TRIOBP: variants seen among roughly 807,000 people sequenced by gnomAD.
The protein encoded by TRIOBP is TRIO and F-actin binding protein.
A neutral mutation model predicts 238.8 loss-of-function variants in TRIOBP; 169 were observed. The observed-to-expected ratio is 0.71, with a 90% CI of 0.62 to 0.80. The LOEUF is 0.80. TRIOBP is among the 30% of genes least tolerant of loss of function. TRIOBP has a pLI of 0.00. For missense variants in TRIOBP, 2,838 were observed against 3,122.6 expected, an observed-to-expected ratio of 0.91 and a Z score of 2.17; for synonymous variants, 1,150 against 1,274.4, an observed-to-expected ratio of 0.90 and a Z score of 2.08.
At chr22:37,768,273 A>G in intron 19 of TRIOBP, 97 bp downstream of exon 19, 1 of 1,009,958 alleles carries the variant, frequency 9.9e-7, no homozygotes, top group Non-Finnish European at 1.5e-6. Context: ...GTTTGCCCCT[A>G]GCTGAGATTC....
rs1171851987 is a variant in TRIOBP, at chr22:37,764,638, G to A, written c.6325-1032G>A. Among the ~76,000 whole-genome samples the A allele has an allele frequency of 5.9e-5, 9 of 152,324 alleles. No individual in the cohort carries two copies. In the East Asian group the frequency reaches 1.7e-3, roughly 29 times the overall value. ...TGAACCTACTAGGTCAACCAGTGGG[G>A]TCGCAAAATGTGATGATGCCACCGG... On this transcript the variant is annotated intron_variant, in intron 17 of 23. Coordinates refer to ENST00000644935, the MANE Select transcript of TRIOBP (RefSeq NM_001039141.3).
chr22:37,700,130 G>A (rs376931728), intron 2 of TRIOBP, among the ~76,000 whole-genome samples: 3 of 152,112 alleles, frequency 2.0e-5, no homozygotes, highest in African/African-American at 7.2e-5. Flanking sequence ...GCCTGCCTCA[G>A]CCTCCCAAAG....
chr22:37,757,632 G>T lies in TRIOBP; in HGVS notation c.5707G>T (p.Glu1903Ter). 1 of 1,588,464 alleles carries T rather than the reference G, an allele frequency of 6.3e-7. No individual in the cohort carries two copies. ...DVTKLSDSNKENALHSYSTQK... is the reference protein window; with the variant it reads ...DVTKLSDSNK ...CCCTAGGCTCTCGGACTCTAACAAG[G>T]AGAACGCGCTGCACAGCTACAGCAC... Residue 1903 changes from glutamate (E) to a stop codon, truncating the protein, a stop_gained, in exon 16 of 24, where the codon GAG becomes TAG. Coordinates refer to ENST00000644935, the MANE Select transcript of TRIOBP (RefSeq NM_001039141.3). LOFTEE classifies it high-confidence loss of function.
rs199585750 is a variant in TRIOBP, at chr22:37,743,801, A to G, written c.5322+2769A>G. On this transcript the variant is annotated intron_variant, in intron 11 of 23. Coordinates refer to ENST00000644935, the MANE Select transcript of TRIOBP (RefSeq NM_001039141.3). ...GGGGAAGGGGAGAAAGAGAGAGAGAATGTGTGTGTGTGTGTGTGTGTGTGT... is the reference window on the plus strand; with the variant it reads ...GGGGAAGGGGAGAAAGAGAGAGAGAGTGTGTGTGTGTGTGTGTGTGTGTGT... 6.4e-3 allele frequency among the ~76,000 whole-genome samples: 730 copies of G among 114,166 alleles called. 5 individuals are homozygous for G. Among genetic ancestry groups the G allele is most frequent in the East Asian group, 0.021 (80 of 3,834 alleles). The allele number at this position is 114,166 out of a possible 152,430, so 74.9% of individuals were successfully genotyped here.
intron 5 of TRIOBP, among the ~76,000 whole-genome samples, chr22:37,714,466 C>T (rs1013201941): frequency 2.0e-5 from 3 of 152,120 alleles, no homozygotes; most frequent in South Asian, 4.1e-4. Flanking sequence ...GTCAGGAGAT[C>T]GAGACCAGCC....
rs771148338 is a variant in TRIOBP at position 37,726,306 on chromosome 22, G to A, written c.3750G>A (p.Gly1250=). Residue 1250 remains glycine (G), a synonymous_variant, in exon 7 of 24, where the codon GGG becomes GGA. Coordinates refer to ENST00000644935, the MANE Select transcript of TRIOBP (RefSeq NM_001039141.3). ...LAPSPSPGSS[G]GSRGSAPPGE... ...CCTCACCTTCACCGGGCAGCTCTGG[G>A]GGCTCCCGGGGCTCAGCGCCTCCCG... 4 of 1,612,772 alleles carry A rather than the reference G, an allele frequency of 2.5e-6. No homozygotes were observed. In the South Asian group the frequency reaches 4.4e-5, roughly 18 times the overall value.
intron 4 of TRIOBP, among the ~76,000 whole-genome samples, chr22:37,711,694 G>A (rs1279140575): frequency 6.6e-6 from 1 of 151,846 alleles, no homozygotes; most frequent in East Asian, 1.9e-4. Context: ...GATAAATGAA[G>A]TTGAATAGCT....
At chr22:37,713,785 T>C (rs899372846) in intron 5 of TRIOBP, among the ~76,000 whole-genome samples, 1 of 152,168 alleles carries the variant, frequency 6.6e-6, no homozygotes, top group African/African-American at 2.4e-5. Context: ...CACACAGTGC[T>C]GAGTCCCATG....
At chr22:37,761,331 A>G (rs1034218705) in intron 17 of TRIOBP, among the ~76,000 whole-genome samples, 2 of 151,690 alleles carry the variant, frequency 1.3e-5, no homozygotes, top group African/African-American at 4.8e-5. Flanking sequence ...GTGGGCGCCT[A>G]TAATCCCAGC....
chr22:37,715,118 G>A (rs955712239), intron 5 of TRIOBP, among the ~76,000 whole-genome samples: 9 of 152,192 alleles, frequency 5.9e-5, no homozygotes, highest in Middle Eastern at 3.4e-3. Flanking sequence ...AGGTTCAAGC[G>A]ATTCGCCTGC....
chr22:37,729,199 T>C (rs558686891), intron 7 of TRIOBP, among the ~76,000 whole-genome samples: 80 of 151,882 alleles, frequency 5.3e-4, no homozygotes, highest in Non-Finnish European at 6.2e-4. Flanking sequence ...ATTATAGGCG[T>C]GAGCCACCGT....
rs777463812 is a variant in TRIOBP at position 37,769,211 on chromosome 22, G to A, written c.6735+24G>A. ...AGGTGGGCCTGGCCCCAGGTTGGGG[G>A]GACACGGGTGGGTCCCGGCACCCCT... On this transcript the variant is annotated intron_variant, in intron 20 of 23. Coordinates refer to ENST00000644935, the MANE Select transcript of TRIOBP (RefSeq NM_001039141.3). 1.3e-6 allele frequency: 2 copies of A among 1,591,730 alleles called. 1 individual carries two copies. Among genetic ancestry groups the A allele is most frequent in the East Asian group, 4.6e-5 (2 of 43,606 alleles).
chr22:37,713,862 C>T (rs988601506), intron 5 of TRIOBP, among the ~76,000 whole-genome samples: 5 of 152,268 alleles, frequency 3.3e-5, no homozygotes, highest in African/African-American at 1.2e-4. Flanking sequence ...CATTTAACCA[C>T]GAAAAGAGAA....
chr22:37,701,571 C>G, intron 3 of TRIOBP, 92 bp downstream of exon 3: 2 of 907,278 alleles, frequency 2.2e-6, no homozygotes, highest in East Asian at 5.2e-5. Flanking sequence ...GCAGTTGAAC[C>G]CAGATGCTGG....
intron 4 of TRIOBP, among the ~76,000 whole-genome samples, chr22:37,711,099 G>C (rs1419000579): frequency 6.6e-6 from 1 of 152,226 alleles, no homozygotes; most frequent in Non-Finnish European, 1.5e-5. Flanking sequence ...GGGAGGCCAT[G>C]GTCTGAGAGT....
intron 8 of TRIOBP, 26 bp from the exon 9 acceptor site, chr22:37,734,373 C>G: frequency 6.2e-7 from 1 of 1,605,910 alleles, no homozygotes; most frequent in Admixed American, 1.7e-5. Flanking sequence ...GAGAGAGCCT[C>G]ACCTACCCCC....
At position 37,757,874 on chromosome 22, in the gene TRIOBP, C is replaced by T. The variant is rs746538137; in HGVS notation, c.5949C>T (p.Ser1983=). 54 of 1,552,696 alleles carry T rather than the reference C, an allele frequency of 3.5e-5. No individual in the cohort carries two copies. The highest frequency in any genetic ancestry group is 1.7e-4 in the Middle Eastern group (1 of 5,882). Residue 1983 remains serine, a synonymous_variant, in exon 16 of 24, where the codon TCC becomes TCT. Coordinates refer to ENST00000644935, the MANE Select transcript of TRIOBP (RefSeq NM_001039141.3). ...EELERDLAQR[S]EERRKWFEAT... ...TGGAGCGGGACCTGGCCCAGCGCTC[C>T]GAGGAGCGGCGCAAGTGGTTTGAGG...
intron 10 of TRIOBP, among the ~76,000 whole-genome samples, chr22:37,740,641 C>T (rs914281037): frequency 3.3e-5 from 5 of 152,250 alleles, no homozygotes; most frequent in African/African-American, 4.8e-5. Flanking sequence ...CTCCAGCTGG[C>T]GCCCGTGGTT....
At chr22:37,758,228 C>T in intron 16 of TRIOBP, 90 bp downstream of exon 16, 2 of 1,517,470 alleles carry the variant, frequency 1.3e-6, no homozygotes, top group Non-Finnish European at 1.8e-6. Context: ...TCTTGCACTC[C>T]TACAGTGATG....
Sources: gnomAD v4.1 joint callset for allele counts (sites outside exome capture counted in the v4.1 genomes callset) on GRCh38, gnomAD v4.1.1 for gene constraint, MANE v1.5 for transcripts, NCBI Gene and HGNC (gene_info 2026-07-23, HGNC 2026-07-21) for gene names.